The following ENTREP2 variants were observed in gnomAD, a reference collection of about 807,000 sequenced individuals.
ENTREP2 encodes the protein protein ENTREP2.
At chr15:29,482,164 A>ATTT in the ENTREP2 span, among the ~76,000 whole-genome samples, 7,451 of 135,084 alleles carry the variant, frequency 0.055, 260 homozygotes, top group Admixed American at 0.067. Flanking sequence ...CAGGCAGCTA[A>ATTT]TTTTTTTTTT....
chr15:29,400,969 C>T, the ENTREP2 span, among the ~76,000 whole-genome samples: 2 of 152,236 alleles, frequency 1.3e-5, no homozygotes, highest in African/African-American at 4.8e-5. Context: ...CCTTCTGATG[C>T]ACTACGTGCT....
chr15:29,489,150 G>GAAAAA, the ENTREP2 span, among the ~76,000 whole-genome samples: 2,382 of 151,584 alleles, frequency 0.016, 63 homozygotes, highest in African/African-American at 0.053. Context: ...TAAAACATGG[G>GAAAAA]AAAAACTGGC....
chr15:29,237,819 G>A, the ENTREP2 span, among the ~76,000 whole-genome samples: 25 of 152,230 alleles, frequency 1.6e-4, no homozygotes, highest in South Asian at 3.7e-3. Context: ...TTAGGTTGAC[G>A]CAAAAGCAAT....
At chr15:29,657,162 C>G in the ENTREP2 span, among the ~76,000 whole-genome samples, 366 of 152,228 alleles carry the variant, frequency 2.4e-3, 4 homozygotes, top group African/African-American at 8.3e-3. Flanking sequence ...ATTCTCCTGC[C>G]TCCTCCTCCT....
At chr15:29,220,795 C>G in the ENTREP2 span, among the ~76,000 whole-genome samples, 591 of 151,882 alleles carry the variant, frequency 3.9e-3, 2 homozygotes, top group African/African-American at 0.014. Flanking sequence ...AGTCTTATAA[C>G]ATTCGTTGAC....
chr15:29,306,169 A>G, the ENTREP2 span, among the ~76,000 whole-genome samples: 2 of 152,206 alleles, frequency 1.3e-5, no homozygotes, highest in Non-Finnish European at 2.9e-5. Context: ...CACTGGGGCA[A>G]GTAGGGTGGT....
At chr15:29,243,336 G>C in the ENTREP2 span, among the ~76,000 whole-genome samples, 1 of 152,132 alleles carries the variant, frequency 6.6e-6, no homozygotes, top group Non-Finnish European at 1.5e-5. Context: ...GAAATTAACA[G>C]TAAAAGGAAA....
At chr15:29,277,126 T>C in the ENTREP2 span, among the ~76,000 whole-genome samples, 1 of 152,058 alleles carries the variant, frequency 6.6e-6, no homozygotes, top group African/African-American at 2.4e-5. Context: ...GGCAGATCAC[T>C]TGAGGTCAGG....
chr15:29,124,641 C>T, the ENTREP2 span: 4 of 1,510,802 alleles, frequency 2.6e-6, 1 homozygote, highest in Non-Finnish European at 3.6e-6. Flanking sequence ...CCCGCCCCAC[C>T]TCCCAGCAGG....
At chr15:29,234,007 T>C in the ENTREP2 span, 77 of 1,496,104 alleles carry the variant, frequency 5.1e-5, no homozygotes, top group African/African-American at 8.0e-4. Context: ...AAATATCTGA[T>C]TGACTTGTTC....
the ENTREP2 span, among the ~76,000 whole-genome samples, chr15:29,368,982 A>AAAG: frequency 6.6e-6 from 1 of 152,194 alleles, no homozygotes; most frequent in African/African-American, 2.4e-5. Flanking sequence ...TAGACCAAAG[A>AAAG]AAGAGTCATC....
the ENTREP2 span, among the ~76,000 whole-genome samples, chr15:29,366,782 T>C: frequency 5.3e-5 from 8 of 152,296 alleles, no homozygotes; most frequent in Admixed American, 2.6e-4. Context: ...GGCTGGAAAG[T>C]AGAAAACTAT....
chr15:29,468,638 T>G, the ENTREP2 span, among the ~76,000 whole-genome samples: 1 of 148,116 alleles, frequency 6.8e-6, no homozygotes, highest in East Asian at 2.0e-4. Context: ...GCAAGACAGA[T>G]AATCCAAATG....
At chr15:29,218,219 G>A in the ENTREP2 span, among the ~76,000 whole-genome samples, 2 of 152,126 alleles carry the variant, frequency 1.3e-5, no homozygotes, top group Admixed American at 6.5e-5. Context: ...TTTTGTGCTG[G>A]TTGGCCTCCT....
chr15:29,139,466 G>A, the ENTREP2 span, among the ~76,000 whole-genome samples: 3 of 152,220 alleles, frequency 2.0e-5, no homozygotes, highest in Non-Finnish European at 4.4e-5. Context: ...GTCTAATCAG[G>A]AAATATTTTC....
the ENTREP2 span, among the ~76,000 whole-genome samples, chr15:29,198,774 T>A: frequency 4.1e-4 from 62 of 152,372 alleles, no homozygotes; most frequent in East Asian, 6.9e-3. Flanking sequence ...TTTTAAATAA[T>A]CACTTCTAGG....
chr15:29,343,557 A>G, the ENTREP2 span, among the ~76,000 whole-genome samples: 1 of 140,238 alleles, frequency 7.1e-6, no homozygotes, highest in Non-Finnish European at 1.5e-5. Flanking sequence ...CCATTCCTTT[A>G]AAAAAAAAAC....
chr15:29,119,753 C>T, the ENTREP2 span, among the ~76,000 whole-genome samples: 2 of 150,722 alleles, frequency 1.3e-5, no homozygotes, highest in African/African-American at 5.0e-5. Context: ...CCAGGGATGG[C>T]CACATCCTTG....
At chr15:29,444,206 G>C in the ENTREP2 span, among the ~76,000 whole-genome samples, 1 of 144,530 alleles carries the variant, frequency 6.9e-6, no homozygotes, top group African/African-American at 2.7e-5. Flanking sequence ...AAGAAAGAAA[G>C]AAAGAAAGAA....
Sources: allele counts gnomAD v4.1 joint callset (sites outside exome capture counted in the v4.1 genomes callset), GRCh38; gene constraint gnomAD v4.1.1; transcripts MANE v1.5; gene names NCBI Gene and HGNC (gene_info 2026-07-23, HGNC 2026-07-21).